RMST: variants seen among roughly 807,000 people sequenced by gnomAD.
The protein encoded by RMST is rhabdomyosarcoma 2 associated transcript.
intron 11 of RMST, among the ~76,000 whole-genome samples, chr12:97,552,817 C>A (rs1295238611): frequency 1.3e-5 from 2 of 152,144 alleles, no homozygotes; most frequent in Non-Finnish European, 2.9e-5. Flanking sequence ...TAGTGCCTCT[C>A]GAGTTACAAG....
intron 5 of RMST, among the ~76,000 whole-genome samples, chr12:97,466,002 T>A (rs1260767115): frequency 6.6e-6 from 1 of 152,142 alleles, no homozygotes; most frequent in East Asian, 1.9e-4. Flanking sequence ...AATGATCATT[T>A]TGGAGATCAA....
At chr12:97,494,639 A>G (rs928987678) in intron 8 of RMST, 17 of 152,168 alleles carry the variant, frequency 1.1e-4, no homozygotes, top group African/African-American at 4.1e-4. Context: ...TTAGATTATT[A>G]CTTTTTGCTG....
chr12:97,551,092 A>G (rs180938019), intron 11 of RMST, among the ~76,000 whole-genome samples: 6 of 151,998 alleles, frequency 3.9e-5, no homozygotes, highest in Admixed American at 3.3e-4. Context: ...CAACACCACA[A>G]TATGCTCTCT....
intron 11 of RMST, among the ~76,000 whole-genome samples, chr12:97,535,113 T>G (rs1248000339): frequency 6.6e-6 from 1 of 151,700 alleles, no homozygotes; most frequent in Non-Finnish European, 1.5e-5. Context: ...AAAATAAAAT[T>G]ATTTGTTTAA....
At chr12:97,544,800 G>A (rs1053234075) in intron 11 of RMST, among the ~76,000 whole-genome samples, 3 of 151,866 alleles carry the variant, frequency 2.0e-5, no homozygotes, top group Non-Finnish European at 2.9e-5. Flanking sequence ...AAAGTCACAT[G>A]ACTTTTTGGA....
chr12:97,481,989 AT>A (rs1875350374), intron 5 of RMST, among the ~76,000 whole-genome samples: 1 of 152,132 alleles, frequency 6.6e-6, no homozygotes, highest in Admixed American at 6.5e-5. Context: ...AAGCCATTCT[AT>A]TTTTAATTTA....
Position 97,524,075 on chromosome 12 carries a change from C to CAAAAAA in RMST, n.1341-6557_1341-6552dup, listed in dbSNP as rs537840796. ...TGGGCAACAGAGTGAGACTCTGTCT[C>CAAAAAA]AAAAAAAAAAAAAAAAAAAAAAAAA... On this transcript the variant is annotated intron_variant and non_coding_transcript_variant, in intron 10 of 13. Coordinates refer to ENST00000640149, the Ensembl canonical transcript of RMST. Among the ~76,000 whole-genome samples the CAAAAAA allele has an allele frequency of 3.3e-3, 185 of 56,112 alleles. 18 individuals carry two copies. Among genetic ancestry groups the CAAAAAA allele is most frequent in the African/African-American group, 0.013 (174 of 12,958 alleles). The allele number at this position is 56,112 out of a possible 152,430, so 36.8% of individuals were successfully genotyped here.
chr12:97,513,952 A>C (rs1205854433), intron 10 of RMST, among the ~76,000 whole-genome samples: 1 of 148,792 alleles, frequency 6.7e-6, no homozygotes, highest in Non-Finnish European at 1.5e-5. Context: ...ACTTTGTTCC[A>C]CTGTAGGACT....
chr12:97,464,418 TCGGA>T (rs1196348610), intron 4 of RMST, among the ~76,000 whole-genome samples: 1 of 152,232 alleles, frequency 6.6e-6, no homozygotes, highest in African/African-American at 2.4e-5. Flanking sequence ...CAAGATCCAT[TCGGA>T]GCTTCCTGTG....
rs143869120 is a variant in RMST at position 97,512,132 on chromosome 12, A to G, written n.1340+16076A>G. Among the ~76,000 whole-genome samples, 126 of 151,746 alleles carry G rather than the reference A, an allele frequency of 8.3e-4. 3 individuals are homozygous for G. In the East Asian group the frequency reaches 0.021, roughly 26 times the overall value. On this transcript the variant is annotated intron_variant and non_coding_transcript_variant, in intron 10 of 13. Transcript: ENST00000640149. ...TCTTCTGTCTGGCCGAGTCTGGCGGATTCGTGGTCTCGCTGGCTCAGGAGT... is the reference window on the plus strand; with the variant it reads ...TCTTCTGTCTGGCCGAGTCTGGCGGGTTCGTGGTCTCGCTGGCTCAGGAGT...
chr12:97,559,406 G>A (rs550150141), intron 11 of RMST, among the ~76,000 whole-genome samples: 1 of 152,266 alleles, frequency 6.6e-6, no homozygotes, highest in East Asian at 1.9e-4. Flanking sequence ...CTTCTGTGAT[G>A]TACTGGTAAT....
chr12:97,538,175 C>T (rs1882220794), intron 11 of RMST, among the ~76,000 whole-genome samples: 1 of 151,236 alleles, frequency 6.6e-6, no homozygotes, highest in Non-Finnish European at 1.5e-5. Flanking sequence ...AAGGTTTGAT[C>T]CTAGGATTGT....
chr12:97,545,487 C>T (rs565979054), intron 11 of RMST, among the ~76,000 whole-genome samples: 1 of 152,110 alleles, frequency 6.6e-6, no homozygotes, highest in East Asian at 1.9e-4. Flanking sequence ...ATGTCCCACC[C>T]TCAGAGAACA....
intron 8 of RMST, among the ~76,000 whole-genome samples, chr12:97,494,422 C>T (rs1158229610): frequency 1.3e-5 from 2 of 152,122 alleles, no homozygotes; most frequent in African/African-American, 4.8e-5. Flanking sequence ...CAGTGACTCA[C>T]ACCTGTAAAC....
intron 10 of RMST, among the ~76,000 whole-genome samples, chr12:97,498,970 T>C (rs1877767289): frequency 6.6e-6 from 1 of 152,122 alleles, no homozygotes; most frequent in South Asian, 2.1e-4. Flanking sequence ...CTTCAGGAGC[T>C]CTCCTCAGAG....
rs914526730 is a variant in RMST, at chr12:97,522,458, A to G, written n.1341-8197A>G. ...ATATAGTTTCTAGCTATGAACTGCC[A>G]TTAAATGCCCTTATGCTCTCTGATC... On this transcript the variant is annotated intron_variant and non_coding_transcript_variant, in intron 10 of 13. Transcript: ENST00000640149. Among the ~76,000 whole-genome samples the G allele has an allele frequency of 2.6e-5, 4 of 152,332 alleles. No homozygotes were observed. In the East Asian group the frequency reaches 7.7e-4, roughly 29 times the overall value.
intron 11 of RMST, among the ~76,000 whole-genome samples, chr12:97,531,770 T>C (rs1014167192): frequency 1.3e-5 from 2 of 152,140 alleles, no homozygotes; most frequent in Admixed American, 6.6e-5. Context: ...GGCCACTATA[T>C]CATGGCAAAA....
At position 97,553,949 on chromosome 12, in the gene RMST, CTTTT is replaced by C. The variant is rs756008010; in HGVS notation, n.1546-6570_1546-6567del. ...TAATGGTGATTTTTCTTTTCTTTCTCTTTTTTTTTTTTTTTTTTTTTCTGAGATG... is the reference window on the plus strand; with the variant it reads ...TAATGGTGATTTTTCTTTTCTTTCTCTTTTTTTTTTTTTTTTTCTGAGATG... On this transcript the variant is annotated intron_variant and non_coding_transcript_variant, in intron 11 of 13. Coordinates refer to ENST00000640149, the Ensembl canonical transcript of RMST. 1.1e-4 allele frequency among the ~76,000 whole-genome samples: 13 copies of C among 120,264 alleles called. No homozygotes were observed. In the East Asian group the frequency reaches 2.1e-3, roughly 19 times the overall value. The allele number at this position is 120,264 out of a possible 152,430, so 78.9% of individuals were successfully genotyped here. A position where few individuals can be genotyped will look rare whatever the true frequency, so the allele number is the denominator to read the frequency against.
At chr12:97,517,721 CT>C (rs1177266281) in intron 10 of RMST, among the ~76,000 whole-genome samples, 3 of 151,964 alleles carry the variant, frequency 2.0e-5, no homozygotes, top group Admixed American at 6.6e-5. Context: ...TTGTCTCACA[CT>C]TTTTTTCTGT....
Sources: allele counts gnomAD v4.1 joint callset (sites outside exome capture counted in the v4.1 genomes callset), GRCh38; gene constraint gnomAD v4.1.1; transcripts MANE v1.5; gene names NCBI Gene and HGNC (gene_info 2026-07-23, HGNC 2026-07-21).